The following CFI variants were observed in gnomAD, a reference collection of about 807,000 sequenced individuals.
CFI encodes the protein complement factor I.
In CFI, 66 loss-of-function variants were observed where a neutral mutation model predicts 78.8. The observed-to-expected ratio is 0.84, with a 90% confidence interval of 0.69 to 1.03. The LOEUF (loss-of-function observed/expected upper bound fraction) is 1.03, where lower values mean the gene tolerates loss of function less well. Ranked by LOEUF, CFI falls within the 50% of genes least tolerant of loss-of-function variation. CFI has a pLI of 0.00. For synonymous variants in CFI, 250 were observed against 232.6 expected, an observed-to-expected ratio of 1.07 and a Z score of -0.68; for missense variants, 706 against 704.5, an observed-to-expected ratio of 1.00 and a Z score of -0.02.
intron 12 of CFI, 123 bp from the exon 13 acceptor site, chr4:109,741,233 G>A (rs1396215471): frequency 2.9e-5 from 45 of 1,543,458 alleles, no homozygotes; most frequent in Non-Finnish European, 3.9e-5. Context: ...AATAGCATGG[G>A]CTCTCCTTAG....
chr4:109,769,870 C>T (rs1445176628), intron 1 of CFI, among the ~76,000 whole-genome samples: 1 of 152,164 alleles, frequency 6.6e-6, no homozygotes, highest in Non-Finnish European at 1.5e-5. Context: ...TTATCTCTGC[C>T]ACCAGGCACC....
intron 11 of CFI, 143 bp from the exon 12 acceptor site, chr4:109,742,738 T>C: frequency 1.6e-6 from 1 of 633,032 alleles, no homozygotes; most frequent in Non-Finnish European, 2.8e-6. Context: ...CCTTAGCGTG[T>C]TTAATCATAT....
Position 109,782,936 on chromosome 4 carries a change from C to A in CFI, c.58-16112G>T, listed in dbSNP as rs140601353. Among the ~76,000 whole-genome samples the A allele has an allele frequency of 7.9e-4, 120 of 152,116 alleles. No individual in the cohort carries two copies. The East Asian group carries it at 0.019, about 24-fold the overall frequency. On this transcript the variant is annotated intron_variant, in intron 1 of 12. Transcript: ENST00000394634. ...AAAACATAAAGTGGCGAAAGGACAC[C>A]CTTTTCAACAAATGGTACTGGGATA...
At chr4:109,736,804 G>A (rs374139077), downstream of CFI, among the ~76,000 whole-genome samples, 47 of 152,176 alleles carry the variant, frequency 3.1e-4, no homozygotes, top group African/African-American at 1.0e-3. Context: ...TTTCAGCTTC[G>A]TATTTCCTAT....
chr4:109,780,489 A>C (rs994814206), intron 1 of CFI, among the ~76,000 whole-genome samples: 2 of 152,204 alleles, frequency 1.3e-5, no homozygotes, highest in African/African-American at 4.8e-5. Context: ...TTAAAAAGTC[A>C]GGAAGCAACA....
intron 1 of CFI, among the ~76,000 whole-genome samples, chr4:109,782,594 T>C (rs1730199112): frequency 6.6e-6 from 1 of 151,934 alleles, no homozygotes; most frequent in African/African-American, 2.4e-5. Context: ...AAAATGCCCA[T>C]ACCGCCAAAA....
At chr4:109,790,215 T>C (rs1283193162) in intron 1 of CFI, among the ~76,000 whole-genome samples, 1 of 152,046 alleles carries the variant, frequency 6.6e-6, no homozygotes, top group African/African-American at 2.4e-5. Flanking sequence ...CTTTCTCAGT[T>C]TAGCTAAGGT....
At chr4:109,792,151 G>A (rs1337482074) in intron 1 of CFI, among the ~76,000 whole-genome samples, 1 of 152,132 alleles carries the variant, frequency 6.6e-6, no homozygotes, top group Non-Finnish European at 1.5e-5. Context: ...TGCTATTATT[G>A]AGTGCAGAGT....
At chr4:109,736,716 G>GT (rs1451674766), downstream of CFI, among the ~76,000 whole-genome samples, 4 of 152,176 alleles carry the variant, frequency 2.6e-5, no homozygotes, top group Non-Finnish European at 5.9e-5. Context: ...AGACTGCAGG[G>GT]TTTTAAGCCA....
chr4:109,788,452 G>A lies in CFI; in HGVS notation c.57+13463C>T, dbSNP rs143713197. ...TTCTGAGTGAAGTTGAGCATCTTCCGTATGCTCAAATTTTAAGAGAGATTT... is the reference window on the plus strand; with the variant it reads ...TTCTGAGTGAAGTTGAGCATCTTCCATATGCTCAAATTTTAAGAGAGATTT... On this transcript the variant is annotated intron_variant, in intron 1 of 12. Coordinates refer to ENST00000394634, the MANE Select transcript of CFI (RefSeq NM_000204.5). Among the ~76,000 whole-genome samples the A allele has an allele frequency of 1.6e-3, 238 of 151,978 alleles. 3 individuals are homozygous for A. Among genetic ancestry groups the A allele is most frequent in the African/African-American group, 4.2e-3 (175 of 41,478 alleles).
intron 1 of CFI, among the ~76,000 whole-genome samples, chr4:109,786,253 A>T (rs1160431365): frequency 2.0e-5 from 3 of 151,790 alleles, no homozygotes; most frequent in Non-Finnish European, 4.4e-5. Flanking sequence ...CTGGTCTCGA[A>T]CTCCTGACCT....
chr4:109,740,966 G>A lies in CFI; in HGVS notation c.1679C>T (p.Thr560Ile). ...CCAGTCAAAATAATTGGCCACTTTG[G>A]TGTAAACACCTGGGAACTCTGGTTT... is the stretch of plus-strand genomic sequence containing the variant. Reference protein sequence around the residue: ...CGKPEFPGVYTKVANYFDWIS... With the variant: ...CGKPEFPGVYIKVANYFDWIS... The change falls in exon 13 of 13, where the codon ACC becomes ATC. Residue 560 changes from threonine (T) to isoleucine (I), a missense_variant. Thr to Ile is a moderately conservative substitution (Grantham distance 89). Transcript: ENST00000394634. 1 of 1,614,132 alleles carries A rather than the reference G, an allele frequency of 6.2e-7. No individual in the cohort carries two copies. The highest frequency in any genetic ancestry group is 8.5e-7 in the Non-Finnish European group (1 of 1,180,010).
At chr4:109,763,418 A>G (rs1299532032) in intron 3 of CFI, among the ~76,000 whole-genome samples, 3 of 152,062 alleles carry the variant, frequency 2.0e-5, no homozygotes, top group African/African-American at 7.2e-5. Flanking sequence ...TAGAAATTAT[A>G]AAAGGAAAAA....
chr4:109,796,349 T>C (rs1369166867), intron 1 of CFI, among the ~76,000 whole-genome samples: 7 of 152,026 alleles, frequency 4.6e-5, no homozygotes, highest in African/African-American at 1.7e-4. Context: ...AAACAGGAAA[T>C]ACATCACCTG....
chr4:109,770,284 G>A (rs1018699853), intron 1 of CFI, among the ~76,000 whole-genome samples: 1 of 152,174 alleles, frequency 6.6e-6, no homozygotes, highest in African/African-American at 2.4e-5. Context: ...TTTTGACTAG[G>A]CACAGTGGCT....
At chr4:109,786,328 G>A (rs1238734966) in intron 1 of CFI, among the ~76,000 whole-genome samples, 9 of 152,076 alleles carry the variant, frequency 5.9e-5, no homozygotes, top group Admixed American at 5.9e-4. Context: ...ACCACATCCA[G>A]CCTAAAAATT....
the CFI span, among the ~76,000 whole-genome samples, chr4:109,735,271 A>G: frequency 6.6e-6 from 1 of 152,146 alleles, no homozygotes; most frequent in African/African-American, 2.4e-5. Context: ...TATATTTTCT[A>G]TATAGAACTT....
chr4:109,745,553 T>C (rs1048684402), intron 11 of CFI, among the ~76,000 whole-genome samples: 1 of 152,230 alleles, frequency 6.6e-6, no homozygotes, highest in Non-Finnish European at 1.5e-5. Context: ...TTCTAAGAAT[T>C]TGTCTCTGAG....
chr4:109,732,284 C>G, the CFI span, among the ~76,000 whole-genome samples: 93,682 of 152,078 alleles, frequency 0.62, 30,135 homozygotes, highest in African/African-American at 0.82. Flanking sequence ...TGGCTTGATG[C>G]AGCTGTTCTC....
Sources: gnomAD v4.1 joint callset for allele counts (sites outside exome capture counted in the v4.1 genomes callset) on GRCh38, gnomAD v4.1.1 for gene constraint, MANE v1.5 for transcripts, NCBI Gene and HGNC (gene_info 2026-07-23, HGNC 2026-07-21) for gene names.